Variants in NRXN3 observed in about 807,000 individuals in gnomAD.
The protein encoded by NRXN3 is neurexin 3.
A neutral mutation model predicts 137.6 loss-of-function variants in NRXN3; 32 were observed. That is an observed-to-expected ratio of 0.23 (90% CI 0.18 to 0.31). The LOEUF (loss-of-function observed/expected upper bound fraction) is 0.31, where lower values mean the gene tolerates loss of function less well. Among genes scored for constraint, NRXN3 ranks in the 10% least tolerant of loss-of-function variants. The pLI, the probability that NRXN3 is intolerant of heterozygous loss-of-function variation, is 1.00. For missense variants in NRXN3, 1,574 were observed against 2,062.5 expected, an observed-to-expected ratio of 0.76 and a Z score of 4.59; for synonymous variants, 798 against 784.5, an observed-to-expected ratio of 1.02 and a Z score of -0.29.
rs146076099 is a variant in NRXN3, at chr14:79,765,907, A to G, written c.4015-39205A>G. ...AAGTATGTAAAAAAACAGTTCTTAT[A>G]TGTTCATACAGTTTGCTTTCAACAA... is the stretch of plus-strand genomic sequence containing the variant. On this transcript the variant is annotated intron_variant, in intron 19 of 20. Transcript: ENST00000335750. Among the ~76,000 whole-genome samples, 42 of 152,314 alleles carry G rather than the reference A, an allele frequency of 2.8e-4. 1 individual carries two copies. The East Asian group carries it at 6.4e-3, about 23-fold the overall frequency.
chr14:79,299,343 G>A (rs2084746883), intron 15 of NRXN3, among the ~76,000 whole-genome samples: 1 of 151,998 alleles, frequency 6.6e-6, no homozygotes, highest in East Asian at 1.9e-4. Flanking sequence ...CTCTCAGTAG[G>A]TCACCCAGAG....
chr14:79,367,502 T>C (rs2093940936), intron 15 of NRXN3, among the ~76,000 whole-genome samples: 1 of 152,174 alleles, frequency 6.6e-6, no homozygotes, highest in African/African-American at 2.4e-5. Context: ...AGGACTCAGA[T>C]CAAGGATTCA....
chr14:78,282,077 C>A, intron 3 of NRXN3: 1 of 475,328 alleles, frequency 2.1e-6, no homozygotes, highest in South Asian at 1.5e-5. Context: ...GGAGTGCAAA[C>A]TGAGGCCCAA....
chr14:79,522,430 A>G (rs959781273), intron 16 of NRXN3, among the ~76,000 whole-genome samples: 1 of 152,134 alleles, frequency 6.6e-6, no homozygotes, highest in South Asian at 2.1e-4. Flanking sequence ...AGAATTTCTT[A>G]TGTAGGAGAG....
At chr14:79,062,877 C>T (rs1402390401) in intron 15 of NRXN3, among the ~76,000 whole-genome samples, 2 of 151,978 alleles carry the variant, frequency 1.3e-5, no homozygotes, top group African/African-American at 4.8e-5. Context: ...TGAATTCTTG[C>T]AGGGAAAATT....
chr14:78,785,755 T>C (rs1426959919), intron 8 of NRXN3, among the ~76,000 whole-genome samples: 1 of 152,186 alleles, frequency 6.6e-6, no homozygotes, highest in Non-Finnish European at 1.5e-5. Context: ...CATTAGACTT[T>C]GCTTAATACC....
intron 1 of NRXN3, among the ~76,000 whole-genome samples, chr14:78,209,435 G>C (rs1395346172): frequency 6.6e-6 from 1 of 152,180 alleles, no homozygotes; most frequent in Non-Finnish European, 1.5e-5. Context: ...TTCTCACACT[G>C]CTATAAAGAC....
At chr14:79,847,194 C>A (rs1483875073) in intron 20 of NRXN3, among the ~76,000 whole-genome samples, 2 of 152,144 alleles carry the variant, frequency 1.3e-5, no homozygotes, top group East Asian at 3.9e-4. Context: ...AGAATCACCT[C>A]AACCCAAAAC....
At chr14:79,069,256 A>G (rs1241482669) in intron 15 of NRXN3, among the ~76,000 whole-genome samples, 4 of 152,130 alleles carry the variant, frequency 2.6e-5, no homozygotes, top group Admixed American at 6.6e-5. Context: ...CCTATCTCCT[A>G]TTCTTCTTCT....
At chr14:78,829,270 A>G (rs1261226104) in intron 10 of NRXN3, among the ~76,000 whole-genome samples, 2 of 152,306 alleles carry the variant, frequency 1.3e-5, no homozygotes, top group Non-Finnish European at 2.9e-5. Flanking sequence ...TTCGCAGGTT[A>G]TCTGCAGCCT....
chr14:78,251,726 G>C (rs1249906641), intron 2 of NRXN3, among the ~76,000 whole-genome samples: 1 of 152,226 alleles, frequency 6.6e-6, no homozygotes, highest in African/African-American at 2.4e-5. Flanking sequence ...TATCCACTGG[G>C]AAAAGGGAGG....
chr14:79,739,167 G>A (rs540997415), intron 19 of NRXN3, among the ~76,000 whole-genome samples: 4 of 152,196 alleles, frequency 2.6e-5, no homozygotes, highest in Non-Finnish European at 5.9e-5. Context: ...ATGAAGGCAC[G>A]TGGGTGTTTC....
At chr14:78,853,678 T>G (rs1319121888) in intron 10 of NRXN3, among the ~76,000 whole-genome samples, 3 of 152,184 alleles carry the variant, frequency 2.0e-5, no homozygotes, top group African/African-American at 7.2e-5. Flanking sequence ...TTCTAGAATT[T>G]GGCAATACTA....
intron 15 of NRXN3, among the ~76,000 whole-genome samples, chr14:79,429,749 C>T (rs1166398417): frequency 1.3e-5 from 2 of 152,110 alleles, no homozygotes; most frequent in African/African-American, 2.4e-5. Context: ...CTTGAAGAAA[C>T]AACCAGAAAA....
intron 10 of NRXN3, among the ~76,000 whole-genome samples, chr14:78,903,013 C>T (rs1280749696): frequency 2.0e-5 from 3 of 151,842 alleles, no homozygotes; most frequent in Non-Finnish European, 2.9e-5. Flanking sequence ...CTCTGTGAAG[C>T]TTGGCCGTGA....
intron 16 of NRXN3, among the ~76,000 whole-genome samples, chr14:79,484,334 G>C (rs941244553): frequency 6.6e-6 from 1 of 152,154 alleles, no homozygotes; most frequent in African/African-American, 2.4e-5. Flanking sequence ...TTAGAGTACA[G>C]GGTGCTTCTT....
intron 19 of NRXN3, among the ~76,000 whole-genome samples, chr14:79,766,209 G>T (rs1004927409): frequency 6.6e-6 from 1 of 151,912 alleles, no homozygotes; most frequent in Admixed American, 6.6e-5. Context: ...TAGATAAAAG[G>T]TTTCATATGG....
At chr14:79,082,524 A>T (rs1251981316) in intron 15 of NRXN3, among the ~76,000 whole-genome samples, 1 of 152,062 alleles carries the variant, frequency 6.6e-6, no homozygotes, top group Admixed American at 6.6e-5. Flanking sequence ...AATCAGAGTC[A>T]TGGTGAGCAT....
intron 4 of NRXN3, among the ~76,000 whole-genome samples, chr14:78,629,705 G>T (rs1285962939): frequency 6.6e-6 from 1 of 152,198 alleles, no homozygotes; most frequent in Non-Finnish European, 1.5e-5. Context: ...ATTCATGGTG[G>T]TGTACAATGA....
Sources: gnomAD v4.1 joint callset for allele counts (sites outside exome capture counted in the v4.1 genomes callset) on GRCh38, gnomAD v4.1.1 for gene constraint, MANE v1.5 for transcripts, NCBI Gene and HGNC (gene_info 2026-07-23, HGNC 2026-07-21) for gene names.